DOCK6: variants seen among roughly 807,000 people sequenced by gnomAD.
DOCK6 encodes the protein dedicator of cytokinesis protein 6.
Under a neutral mutation model 230.3 loss-of-function variants are expected in DOCK6, and 167 were observed. The observed-to-expected ratio is 0.73, with a 90% CI of 0.64 to 0.82. The LOEUF (loss-of-function observed/expected upper bound fraction) is 0.82. Ranked by LOEUF, DOCK6 falls within the 40% of genes least tolerant of loss-of-function variation. The pLI, the probability that DOCK6 is intolerant of heterozygous loss-of-function variation, is 0.00. For synonymous variants in DOCK6, 1,148 were observed against 1,185.0 expected (o/e 0.97, Z 0.64); for missense variants, 2,598 against 2,825.8 (o/e 0.92, Z 1.83).
At position 11,238,420 on chromosome 19, in the gene DOCK6, C is replaced by G. The variant is rs1249676426; in HGVS notation, c.1644-116G>C. 6 of 956,760 alleles carry G rather than the reference C, an allele frequency of 6.3e-6. No homozygotes were observed. In the Admixed American group the frequency reaches 1.3e-4, roughly 20 times the overall value. The allele number at this position is 956,760 out of a possible 1,614,324, so 59.3% of individuals were successfully genotyped here. On this transcript the variant is annotated intron_variant, in intron 14 of 47. Coordinates refer to ENST00000294618, the MANE Select transcript of DOCK6 (RefSeq NM_020812.4). ...CACAGACAGTCCAGGAAGAGTAGGT[C>G]ATGAGGCTGGGGCATTGAGGGCCCG...
At position 11,236,915 on chromosome 19, in the gene DOCK6, C is replaced by A. The variant is rs1277419328; in HGVS notation, c.2074-36G>T. On this transcript the variant is annotated intron_variant, in intron 18 of 47. Coordinates refer to ENST00000294618, the MANE Select transcript of DOCK6 (RefSeq NM_020812.4). This position sits in a 1 kb window ranked among gnomAD's most constrained non-coding sequence, Gnocchi z 5.2. ...GAGGCACCAGGTGGGCACTGGTCAGCCCTCCCTGACTGATCAGGTCACCCA... is the reference window on the plus strand; with the variant it reads ...GAGGCACCAGGTGGGCACTGGTCAGACCTCCCTGACTGATCAGGTCACCCA... The A allele has an allele frequency of 3.3e-6, 5 of 1,533,390 alleles. No individual in the cohort carries two copies. Among genetic ancestry groups the A allele is most frequent in the Non-Finnish European group, 4.4e-6 (5 of 1,135,734 alleles). 95.0% of individuals were successfully genotyped at this position (1,533,390 alleles called of 1,614,324 possible). A position where few individuals can be genotyped will look rare whatever the true frequency, so the allele number is the denominator to read the frequency against.
At chr19:11,221,213 AC>A (rs997733314) in intron 28 of DOCK6, 4 of 153,196 alleles carry the variant, frequency 2.6e-5, no homozygotes, top group African/African-American at 9.6e-5. Context: ...AGACAAGTGA[AC>A]AAAAAACTTC....
intron 24 of DOCK6, among the ~76,000 whole-genome samples, chr19:11,224,233 C>T (rs530797942): frequency 6.2e-5 from 7 of 112,510 alleles, no homozygotes; most frequent in South Asian, 3.0e-4. Context: ...TTTTTTGAGA[C>T]GGAGTCTTGC....
intron 14 of DOCK6, chr19:11,240,212 G>A (rs1349872729): frequency 6.4e-7 from 1 of 1,564,498 alleles, no homozygotes; most frequent in Non-Finnish European, 8.7e-7. Context: ...CACAGAAGGT[G>A]CTACGGGACA....
Position 11,222,772 on chromosome 19 carries a change from G to A in DOCK6, c.3203C>T (p.Ala1068Val), listed in dbSNP as rs757115813. 5.1e-6 allele frequency: 8 copies of A among 1,582,508 alleles called. No homozygotes were observed. The South Asian group carries it at 6.9e-5, about 14-fold the overall frequency. The change falls in exon 26 of 48, where the codon GCC becomes GTC. Residue 1068 changes from alanine to valine, a missense_variant. Coordinates refer to ENST00000294618, the MANE Select transcript of DOCK6 (RefSeq NM_020812.4). This position sits in a 1 kb window ranked among gnomAD's most constrained non-coding sequence, Gnocchi z 4.0. ...GGAGGACACAGAGGGGGAGGGCGAG[G>A]CTGGAGGTGACAGGGGGCAGCAGGG... is the stretch of plus-strand genomic sequence containing the variant. Reference protein sequence around the residue: ...NLPCCPLSPPASPSPSVSSTT... With the variant: ...NLPCCPLSPPVSPSPSVSSTT...
chr19:11,237,970 C>T (rs777945372), intron 16 of DOCK6, 75 bp downstream of exon 16: 17 of 1,542,838 alleles, frequency 1.1e-5, no homozygotes, highest in African/African-American at 1.4e-5. Context: ...TCGATGCTGC[C>T]TTATGTGTAT....
Position 11,208,678 on chromosome 19 carries a change from G to A in DOCK6, c.5088+8C>T, listed in dbSNP as rs147181483. ...CCCCTCTCCTGCACCCAGTCCCCAAGGCCTCACCATGGTGAAGTAGCCGGC... is the reference window on the plus strand; with the variant it reads ...CCCCTCTCCTGCACCCAGTCCCCAAAGCCTCACCATGGTGAAGTAGCCGGC... On this transcript the variant is annotated splice_region_variant and intron_variant, in intron 39 of 47. Transcript: ENST00000294618. The A allele has an allele frequency of 3.1e-6, 5 of 1,608,046 alleles. No homozygotes were observed. The African/African-American group carries it at 6.7e-5, about 21-fold the overall frequency.
Position 11,200,222 on chromosome 19 carries a change from G to A in DOCK6, c.6101+86C>T. The A allele has an allele frequency of 7.2e-7, 1 of 1,387,320 alleles. No homozygotes were observed. 85.9% of individuals were successfully genotyped at this position (1,387,320 alleles called of 1,614,324 possible). A position where few individuals can be genotyped will look rare whatever the true frequency, so the allele number is the denominator to read the frequency against. ...CCAGCAAACATGTTGCTGTGTATGT[G>A]TACAACAGCCCCCATCCTGTACCTG... On this transcript the variant is annotated intron_variant, in intron 47 of 47. Transcript: ENST00000294618. This position sits in a 1 kb window ranked among gnomAD's most constrained non-coding sequence, Gnocchi z 4.3.
chr19:11,241,869 G>T, intron 14 of DOCK6, 176 bp downstream of exon 14: 2 of 1,266,074 alleles, frequency 1.6e-6, no homozygotes, highest in South Asian at 2.7e-5. Context: ...TAGCCCCATT[G>T]GGGAGGGGTG....
Position 11,243,220 on chromosome 19 carries a change from C to G in DOCK6, c.1386+38G>C. The stretch of plus-strand genomic sequence containing the variant: ...GGGTCCCCAGGGCTAATGCAGCCAG[C>G]GGGGAGTGGGAGAGTCCCTGGCCCC... On this transcript the variant is annotated intron_variant, in intron 12 of 47. Coordinates refer to ENST00000294618, the MANE Select transcript of DOCK6 (RefSeq NM_020812.4). This position sits in a 1 kb window ranked among gnomAD's most constrained non-coding sequence, Gnocchi z 6.3. 1 of 1,613,258 alleles carries G rather than the reference C, an allele frequency of 6.2e-7. No homozygotes were observed. Among genetic ancestry groups the G allele is most frequent in the Non-Finnish European group, 8.5e-7 (1 of 1,179,518 alleles).
At chr19:11,219,651 G>T (rs945008451) in intron 28 of DOCK6, among the ~76,000 whole-genome samples, 1 of 151,624 alleles carries the variant, frequency 6.6e-6, no homozygotes, top group African/African-American at 2.4e-5. Context: ...CTAGTCAGGC[G>T]TGGTGACGGG....
At chr19:11,261,803 T>G (rs1042220037) in intron 1 of DOCK6, among the ~76,000 whole-genome samples, 1 of 150,850 alleles carries the variant, frequency 6.6e-6, no homozygotes, top group African/African-American at 2.5e-5. Flanking sequence ...CGGGAGAGCC[T>G]GAAGCAGAAG....
At position 11,240,006 on chromosome 19, in the gene DOCK6, C is replaced by A. The variant is rs1599263893; in HGVS notation, c.1644-1702G>T. On this transcript the variant is annotated intron_variant, in intron 14 of 47. Transcript: ENST00000294618. The stretch of plus-strand genomic sequence containing the variant: ...AGGAGTTCGTGTCTAGGGTAACCAA[C>A]CATCCTGGTTTGCCCAGGACTGAAG... 5.2e-6 allele frequency: 8 copies of A among 1,549,154 alleles called. No individual in the cohort carries two copies. In the East Asian group the frequency reaches 9.8e-5, roughly 19 times the overall value.
In DOCK6 at chr19:11,199,530, C is replaced by G; in HGVS notation, c.6111G>C (p.Leu2037Phe). The change falls in exon 48 of 48, where the codon TTG becomes TTC. Residue 2037 changes from leucine (L) to phenylalanine (F), a missense_variant. By Grantham distance (22) the Leu-to-Phe change is conservative. Transcript: ENST00000294618. ...CTGCCTTTCGGAAACTTGCTCTGTT[C>G]AAGGAGTTCCTGGAAAAAGAATGAG... The part of the protein sequence containing the change: ...APTPPGLRNS[L>F]NRASFRKADL 6.3e-7 allele frequency: 1 copy of G among 1,580,678 alleles called. No homozygotes were observed.
intron 39 of DOCK6, among the ~76,000 whole-genome samples, chr19:11,208,027 T>C (rs572892911): frequency 5.9e-4 from 89 of 151,462 alleles, no homozygotes; most frequent in African/African-American, 1.9e-3. Flanking sequence ...GAGGCTGAGG[T>C]GGGAGGATTA....
intron 1 of DOCK6, among the ~76,000 whole-genome samples, chr19:11,260,875 T>A: frequency 3.3e-4 from 2 of 6,102 alleles, no homozygotes; most frequent in South Asian, 8.2e-3. Flanking sequence ...AGAGCGAGAC[T>A]CTGTCTCAAA....
chr19:11,216,557 G>A lies in DOCK6; in HGVS notation c.3894+357C>T, dbSNP rs554314974. On this transcript the variant is annotated intron_variant, in intron 30 of 47. Transcript: ENST00000294618. ...CAAGTAGCTGGGACTACAGGTGCGC[G>A]CCACCACACCCAGCTATTATTTTGT... 73 of 240,358 alleles carry A rather than the reference G, an allele frequency of 3.0e-4. 1 individual carries two copies. The East Asian group carries it at 5.3e-3, about 17-fold the overall frequency. The allele number at this position is 240,358 out of a possible 1,614,324, so 14.9% of individuals were successfully genotyped here.
chr19:11,205,201 A>G (rs951261560), intron 39 of DOCK6, among the ~76,000 whole-genome samples: 20 of 151,956 alleles, frequency 1.3e-4, no homozygotes, highest in Non-Finnish European at 2.4e-4. Context: ...TTGTGTGTGT[A>G]TGGTTTTTTT....
intron 1 of DOCK6, among the ~76,000 whole-genome samples, chr19:11,256,731 G>A (rs1321844061): frequency 6.6e-6 from 1 of 152,112 alleles, no homozygotes; most frequent in African/African-American, 2.4e-5. Context: ...AGGCTAGAGC[G>A]CAGTGGCATG....
Sources: gnomAD v4.1 joint callset for allele counts (sites outside exome capture counted in the v4.1 genomes callset) on GRCh38, gnomAD v4.1.1 for gene constraint, Gnocchi (gnomAD v3.1) non-coding constraint, MANE v1.5 for transcripts, NCBI Gene and HGNC (gene_info 2026-07-23, HGNC 2026-07-21) for gene names.